Variants in TRIM66 observed in about 807,000 individuals in gnomAD.
TRIM66 encodes tripartite motif containing 66.
In TRIM66, 99 loss-of-function variants were observed where a neutral mutation model predicts 148.2. The observed-to-expected ratio is 0.67, with a 90% confidence interval of 0.57 to 0.79. The LOEUF (loss-of-function observed/expected upper bound fraction) is 0.79. Among genes scored for constraint, TRIM66 ranks in the 30% least tolerant of loss-of-function variants. TRIM66 has a pLI of 0.00. For synonymous variants in TRIM66, 616 were observed against 635.9 expected, an observed-to-expected ratio of 0.97 and a Z score of 0.47; for missense variants, 1,666 against 1,697.9, an observed-to-expected ratio of 0.98 and a Z score of 0.33.
intron 6 of TRIM66, among the ~76,000 whole-genome samples, chr11:8,654,913 TG>T (rs1274170305): frequency 6.6e-6 from 1 of 152,182 alleles, no homozygotes; most frequent in Non-Finnish European, 1.5e-5. Context: ...CAGGGTGGAC[TG>T]CAGCGGCACA....
At chr11:8,624,593 C>T (rs1456272861) in intron 16 of TRIM66, 42 bp from the exon 17 acceptor site, 1 of 1,502,454 alleles carries the variant, frequency 6.7e-7, no homozygotes, top group African/African-American at 1.4e-5. Context: ...AGAACTCAGA[C>T]ATGGTTGTCA....
chr11:8,660,005 G>C (rs1303986009), intron 6 of TRIM66, among the ~76,000 whole-genome samples: 2 of 152,080 alleles, frequency 1.3e-5, no homozygotes, highest in African/African-American at 4.8e-5. Flanking sequence ...GGCCTCCCAA[G>C]CAGCTGGGAC....
At chr11:8,645,719 G>A (rs2036786853) in intron 12 of TRIM66, 22 bp downstream of exon 12, 2 of 1,551,412 alleles carry the variant, frequency 1.3e-6, no homozygotes, top group Non-Finnish European at 1.7e-6. Flanking sequence ...GACAGGCTGA[G>A]GAGTTGGGAG....
chr11:8,682,696 G>C, upstream of TRIM66: 3 of 1,229,098 alleles, frequency 2.4e-6, no homozygotes, highest in Non-Finnish European at 3.6e-6. Flanking sequence ...CGCGAGACCA[G>C]GAGGCCCCGC....
At chr11:8,628,764 T>G (rs2035116834) in intron 15 of TRIM66, among the ~76,000 whole-genome samples, 1 of 151,938 alleles carries the variant, frequency 6.6e-6, no homozygotes, top group Non-Finnish European at 1.5e-5. Context: ...TCCTTCCCCC[T>G]CTTCTCCTCT....
At chr11:8,656,519 T>C (rs543103932) in intron 6 of TRIM66, among the ~76,000 whole-genome samples, 4 of 152,300 alleles carry the variant, frequency 2.6e-5, no homozygotes, top group African/African-American at 7.2e-5. Flanking sequence ...CCTGAGAACT[T>C]AGGAGCCTAG....
chr11:8,670,477 A>T (rs1478497768), intron 6 of TRIM66, among the ~76,000 whole-genome samples: 2 of 152,218 alleles, frequency 1.3e-5, no homozygotes, highest in African/African-American at 2.4e-5. Flanking sequence ...AACTTTCAAG[A>T]TATATTTATG....
At chr11:8,628,427 A>T (rs1334582536) in intron 15 of TRIM66, among the ~76,000 whole-genome samples, 3 of 152,024 alleles carry the variant, frequency 2.0e-5, no homozygotes, top group African/African-American at 7.2e-5. Flanking sequence ...ACCCTAGGCA[A>T]TATGGTGAAA....
Position 8,632,991 on chromosome 11 carries a change from C to A in TRIM66, c.2310+5663G>T, listed in dbSNP as rs115962032. 8.6e-3 allele frequency among the ~76,000 whole-genome samples: 1,304 copies of A among 152,244 alleles called. 27 individuals are homozygous for A. Among genetic ancestry groups the A allele is most frequent in the African/African-American group, 0.03 (1,254 of 41,530 alleles). On this transcript the variant is annotated intron_variant, in intron 15 of 24. Transcript: ENST00000646038. ...GGAGGACAGAAAAAGTAAAGAGGAT[C>A]TCAGAATCTGAGGTAGAAGAAAGAG...
chr11:8,621,340 C>A lies in TRIM66; in HGVS notation c.3256-19G>T. 1.9e-6 allele frequency: 3 copies of A among 1,543,758 alleles called. No individual in the cohort carries two copies. Among genetic ancestry groups the A allele is most frequent in the South Asian group, 2.4e-5 (2 of 83,040 alleles). ...GGCTGACCTTGGGGAAGAAGTAAGT[C>A]TGGGCAGCCAGAGCACAGAACCAAC... On this transcript the variant is annotated intron_variant, in intron 19 of 24. Transcript: ENST00000646038.
At chr11:8,658,052 G>C (rs1241255278) in intron 6 of TRIM66, among the ~76,000 whole-genome samples, 2 of 152,238 alleles carry the variant, frequency 1.3e-5, no homozygotes, top group African/African-American at 2.4e-5. Flanking sequence ...CAAGGCCTAA[G>C]CCTCGGGGAA....
chr11:8,666,362 A>G (rs1042453716), intron 6 of TRIM66, among the ~76,000 whole-genome samples: 1 of 150,388 alleles, frequency 6.6e-6, no homozygotes, highest in Non-Finnish European at 1.5e-5. Context: ...AAAAAAAAAA[A>G]AAAAAAAGAA....
At chr11:8,670,429 A>C (rs1361457985) in intron 6 of TRIM66, among the ~76,000 whole-genome samples, 8 of 152,170 alleles carry the variant, frequency 5.3e-5, no homozygotes, top group Admixed American at 5.2e-4. Context: ...TCCACTTATA[A>C]GTGAGAACAT....
chr11:8,641,293 T>G, intron 13 of TRIM66, 141 bp from the exon 14 acceptor site: 1 of 772,068 alleles, frequency 1.3e-6, no homozygotes, highest in Admixed American at 2.9e-5. Context: ...CTTGATCTCC[T>G]AGACTCGGTC....
Position 8,638,699 on chromosome 11 carries a change from TG to T in TRIM66, c.2264del (p.Pro755GlnfsTer14), listed in dbSNP as rs1291294102. 7 of 1,549,430 alleles carry T rather than the reference TG, an allele frequency of 4.5e-6. No homozygotes were observed. Among genetic ancestry groups the T allele is most frequent in the East Asian group, 2.5e-5 (1 of 40,716 alleles). On this transcript the variant is annotated frameshift_variant, in exon 15 of 25. Coordinates refer to ENST00000646038, the MANE Select transcript of TRIM66 (RefSeq NM_001388022.1). LOFTEE classifies it high-confidence loss of function. ...SGEETPLSVPPVDSTIQHSSP... is the reference protein window; with the variant it reads ...SGEETPLSVPXVDSTIQHSSP... ...AGGAGTGCTGGATGGTGCTGTCCAC[TG>T]GGGGGACACTGAGAGGGGTTTCTTC...
In TRIM66 at chr11:8,619,393, T is replaced by C. The variant is rs1217510704; in HGVS notation, c.3890A>G (p.Lys1297Arg). Residue 1297 changes from lysine to arginine, a missense_variant, in exon 23 of 25, where the codon AAG (lysine) becomes AGG (arginine). By Grantham distance (26) the Lys-to-Arg change is conservative. Coordinates refer to ENST00000646038, the MANE Select transcript of TRIM66 (RefSeq NM_001388022.1). ...DVRLMFWNCAKFNYPDSEVAE... is the reference protein window; with the variant it reads ...DVRLMFWNCARFNYPDSEVAE... ...ACAGGCAAGACATACATAATTGAACTTAGCACAGTTCCAGAACATGAGGCG... is the reference window on the plus strand; with the variant it reads ...ACAGGCAAGACATACATAATTGAACCTAGCACAGTTCCAGAACATGAGGCG... 1 of 1,510,592 alleles carries C rather than the reference T, an allele frequency of 6.6e-7. No homozygotes were observed. 93.6% of individuals were successfully genotyped at this position (1,510,592 alleles called of 1,614,324 possible). A position where few individuals can be genotyped will look rare whatever the true frequency, so the allele number is the denominator to read the frequency against.
At chr11:8,655,035 T>A (rs150385195) in intron 6 of TRIM66, among the ~76,000 whole-genome samples, 1 of 151,968 alleles carries the variant, frequency 6.6e-6, no homozygotes, top group Non-Finnish European at 1.5e-5. Context: ...TATTTTTGTA[T>A]TTTTAGTAGA....
chr11:8,672,516 A>C (rs2038983888), intron 4 of TRIM66, 131 bp from the exon 5 acceptor site: 2 of 1,040,270 alleles, frequency 1.9e-6, no homozygotes, highest in African/African-American at 3.2e-5. Context: ...GGACAGGCTG[A>C]GGAAACAGTG....
In TRIM66 at chr11:8,618,793, T is replaced by C. The variant is rs945698622; in HGVS notation, c.4076A>G (p.Tyr1359Cys). 6.4e-7 allele frequency: 1 copy of C among 1,551,096 alleles called. No individual in the cohort carries two copies. The change falls in exon 24 of 25, where the codon TAC (tyrosine) becomes TGC (cysteine). Residue 1359 changes from tyrosine (Y) to cysteine (C), a missense_variant. By Grantham distance (194) the Tyr-to-Cys change is radical (BLOSUM62 -2). Transcript: ENST00000646038. ...STPQGFPWPPYMQEGIQPKRR... is the reference protein window; with the variant it reads ...STPQGFPWPPCMQEGIQPKRR... ...CTTGGGTTGGATGCCCTCCTGCATG[T>C]AGGGAGGCCACGGGAAGCCCTGGGG... is the stretch of plus-strand genomic sequence containing the variant.
Sources: gnomAD v4.1 joint callset for allele counts (sites outside exome capture counted in the v4.1 genomes callset) on GRCh38, gnomAD v4.1.1 for gene constraint, MANE v1.5 for transcripts, NCBI Gene and HGNC (gene_info 2026-07-23, HGNC 2026-07-21) for gene names.